Variants in LDLRAD3 observed in about 807,000 individuals in gnomAD.
LDLRAD3 encodes low density lipoprotein receptor class A domain containing 3.
In LDLRAD3, 20 loss-of-function variants were observed where a neutral mutation model predicts 29.4. The observed-to-expected ratio is 0.68, with a 90% CI of 0.48 to 0.99. The LOEUF is 0.99. Ranked by LOEUF, LDLRAD3 falls within the 50% of genes least tolerant of loss-of-function variation. The pLI is 0.00. For missense variants in LDLRAD3, 420 were observed against 454.3 expected, an observed-to-expected ratio of 0.92 and a Z score of 0.69; for synonymous variants, 157 against 192.7, an observed-to-expected ratio of 0.81 and a Z score of 1.53.
intron 1 of LDLRAD3, among the ~76,000 whole-genome samples, chr11:36,021,096 A>C (rs1210988206): frequency 1.3e-5 from 2 of 152,198 alleles, no homozygotes; most frequent in Admixed American, 6.5e-5. Context: ...AAACCCCAAC[A>C]TTCTGTTTTG....
At position 36,016,414 on chromosome 11, in the gene LDLRAD3, G is replaced by A. The variant is rs1852022935; in HGVS notation, c.47-19689G>A. Among the ~76,000 whole-genome samples the A allele has an allele frequency of 3.3e-5, 5 of 152,290 alleles. No homozygotes were observed. In the South Asian group the frequency reaches 1.0e-3, roughly 32 times the overall value. ...AAACTTACTTCTCTTGTGCTTTAAGGAATGCTTCATGAAAATATTTTGTAA... is the reference window on the plus strand; with the variant it reads ...AAACTTACTTCTCTTGTGCTTTAAGAAATGCTTCATGAAAATATTTTGTAA... On this transcript the variant is annotated intron_variant, in intron 1 of 5. Coordinates refer to ENST00000315571, the MANE Select transcript of LDLRAD3 (RefSeq NM_174902.4).
chr11:35,992,130 G>GTTA (rs1441314887), intron 1 of LDLRAD3, among the ~76,000 whole-genome samples: 1 of 152,150 alleles, frequency 6.6e-6, no homozygotes, highest in Non-Finnish European at 1.5e-5. Context: ...TATTCCAAAG[G>GTTA]TTAGATTTCT....
intron 4 of LDLRAD3, among the ~76,000 whole-genome samples, chr11:36,172,176 G>C (rs1022157485): frequency 6.6e-6 from 1 of 152,126 alleles, no homozygotes; most frequent in Non-Finnish European, 1.5e-5. Flanking sequence ...CATTGATTTT[G>C]TATCCTGAAA....
chr11:36,221,224 G>A (rs184085555), intron 4 of LDLRAD3, among the ~76,000 whole-genome samples: 10 of 152,138 alleles, frequency 6.6e-5, no homozygotes, highest in East Asian at 1.9e-4. Flanking sequence ...GGTGTCATGC[G>A]CTTATAATCC....
At chr11:36,161,501 ATG>A (rs1041767441) in intron 4 of LDLRAD3, among the ~76,000 whole-genome samples, 46 of 152,294 alleles carry the variant, frequency 3.0e-4, no homozygotes, top group African/African-American at 1.0e-3. Flanking sequence ...ATATCTGTAG[ATG>A]TGTTTATAAA....
At chr11:35,967,558 A>G in intron 1 of LDLRAD3, 1 of 387,788 alleles carries the variant, frequency 2.6e-6, no homozygotes, top group Non-Finnish European at 4.9e-6. Flanking sequence ...TTGATGTCAC[A>G]TGGCCTAGGT....
At position 36,076,520 on chromosome 11, in the gene LDLRAD3, G is replaced by A. The variant is rs1346709664; in HGVS notation, c.194-5133G>A. ...TCTGCCTCAGCCTCCTGAGTGGCTG[G>A]GACTACAGGTGCCCGCCACCACGCC... On this transcript the variant is annotated intron_variant, in intron 2 of 5. Coordinates refer to ENST00000315571, the MANE Select transcript of LDLRAD3 (RefSeq NM_174902.4). 2.6e-5 allele frequency among the ~76,000 whole-genome samples: 4 copies of A among 152,032 alleles called. No homozygotes were observed. In the East Asian group the frequency reaches 7.7e-4, roughly 29 times the overall value.
chr11:35,944,186 G>A lies in LDLRAD3; in HGVS notation c.46+42G>A. ...CCGGCGAACTTCCCGCGGGGCGCGG[G>A]GCGCGGGGCGCGGGGCGCAGCGGCC... On this transcript the variant is annotated intron_variant, in intron 1 of 5. Coordinates refer to ENST00000315571, the MANE Select transcript of LDLRAD3 (RefSeq NM_174902.4). This position sits in a 1 kb window ranked among gnomAD's most constrained non-coding sequence, Gnocchi z 4.9. 2 of 953,768 alleles carry A rather than the reference G, an allele frequency of 2.1e-6. No individual in the cohort carries two copies. The highest frequency in any genetic ancestry group is 2.5e-6 in the Non-Finnish European group (2 of 799,966). 59.1% of individuals were successfully genotyped at this position (953,768 alleles called of 1,614,324 possible).
chr11:36,056,911 G>A (rs1352329975), intron 2 of LDLRAD3, among the ~76,000 whole-genome samples: 2 of 152,138 alleles, frequency 1.3e-5, no homozygotes, highest in African/African-American at 4.8e-5. Flanking sequence ...GCATTCAAAA[G>A]GCATGGGGGT....
chr11:36,136,620 G>A (rs146724426), intron 4 of LDLRAD3, among the ~76,000 whole-genome samples: 2 of 151,966 alleles, frequency 1.3e-5, no homozygotes, highest in East Asian at 1.9e-4. Flanking sequence ...AAAGTTTCCC[G>A]AGGCCCACCC....
intron 4 of LDLRAD3, among the ~76,000 whole-genome samples, chr11:36,142,772 A>C (rs1451109639): frequency 6.6e-6 from 1 of 152,164 alleles, no homozygotes; most frequent in African/African-American, 2.4e-5. Context: ...CGCTTTCTGC[A>C]TTACTACCTC....
chr11:35,998,996 ACT>A (rs1851789793), intron 1 of LDLRAD3, among the ~76,000 whole-genome samples: 1 of 152,016 alleles, frequency 6.6e-6, no homozygotes, highest in Non-Finnish European at 1.5e-5. Context: ...ATGAGGGCCA[ACT>A]CTATACCTGA....
chr11:36,089,004 G>A (rs933956663), intron 3 of LDLRAD3, among the ~76,000 whole-genome samples: 1 of 152,178 alleles, frequency 6.6e-6, no homozygotes, highest in African/African-American at 2.4e-5. Context: ...CATTGTGACA[G>A]CCATGAGGTG....
chr11:36,123,808 C>G (rs1009262813), intron 4 of LDLRAD3, among the ~76,000 whole-genome samples: 2 of 152,194 alleles, frequency 1.3e-5, no homozygotes, highest in African/African-American at 2.4e-5. Flanking sequence ...GCCAACCACC[C>G]GGACTCCTAA....
chr11:36,133,629 G>A (rs1420895436), intron 4 of LDLRAD3, among the ~76,000 whole-genome samples: 3 of 150,052 alleles, frequency 2.0e-5, no homozygotes, highest in Non-Finnish European at 4.4e-5. Flanking sequence ...CGCCTCCTGG[G>A]TTCACGCCAT....
chr11:35,979,980 C>T (rs956596783), intron 1 of LDLRAD3, among the ~76,000 whole-genome samples: 8 of 152,124 alleles, frequency 5.3e-5, no homozygotes, highest in South Asian at 2.1e-4. Context: ...ATATCTAAAC[C>T]GGCTGTTTAA....
intron 4 of LDLRAD3, among the ~76,000 whole-genome samples, 152 bp from the exon 5 acceptor site, chr11:36,226,932 GT>G (rs1315884941): frequency 6.6e-6 from 1 of 152,214 alleles, no homozygotes; most frequent in Admixed American, 6.5e-5. Context: ...CCGTTCATCG[GT>G]TGGTGGACAT....
chr11:36,143,215 G>A (rs1322467075), intron 4 of LDLRAD3, among the ~76,000 whole-genome samples: 3 of 152,194 alleles, frequency 2.0e-5, no homozygotes, highest in South Asian at 2.1e-4. Context: ...CTGTGAGCCT[G>A]TGAACCTGTT....
chr11:36,160,138 C>A (rs1301873418), intron 4 of LDLRAD3, among the ~76,000 whole-genome samples: 2 of 152,180 alleles, frequency 1.3e-5, no homozygotes, highest in Non-Finnish European at 2.9e-5. Context: ...GCCTGAGATG[C>A]AAAGAATAAA....
Sources: allele counts gnomAD v4.1 joint callset (sites outside exome capture counted in the v4.1 genomes callset), GRCh38; gene constraint gnomAD v4.1.1; non-coding constraint Gnocchi (gnomAD v3.1); transcripts MANE v1.5; gene names NCBI Gene and HGNC (gene_info 2026-07-23, HGNC 2026-07-21).